Variants in TRPC6 observed in about 807,000 individuals in gnomAD.
TRPC6 encodes short transient receptor potential channel 6.
TRPC6 carries 55 observed loss-of-function variants against 90.7 expected under a neutral mutation model. That is an observed-to-expected ratio of 0.61 (90% CI 0.49 to 0.76). TRPC6 has a LOEUF of 0.76. Ranked by LOEUF, TRPC6 falls within the 30% of genes least tolerant of loss-of-function variation. The pLI is 0.00. For missense variants in TRPC6, 989 were observed against 1,122.7 expected (o/e 0.88, Z 1.70); for synonymous variants, 393 against 393.0 (o/e 1.00, Z 0.00).
rs200772226 is a variant in TRPC6 at position 101,471,293 on chromosome 11, C to T, written c.2299G>A (p.Val767Met). ...TAAAACAGGGACTTTGGACTCGGCACCAGATTGAAGGGTACAGGAAGTGTT... is the reference window on the plus strand; with the variant it reads ...TAAAACAGGGACTTTGGACTCGGCATCAGATTGAAGGGTACAGGAAGTGTT... ...GRTLPVPFNL[V>M]PSPKSLFYLL... The change falls in exon 9 of 13, where the codon GTG becomes ATG. Residue 767 changes from valine (V) to methionine (M), a missense_variant. Around this residue, in one of 4 missense-constraint regions of TRPC6, gnomAD observed 191 missense variants for 196.7 expected, o/e 0.97. Coordinates refer to ENST00000344327, the MANE Select transcript of TRPC6 (RefSeq NM_004621.6). 2.9e-5 allele frequency: 46 copies of T among 1,613,822 alleles called. 1 individual carries two copies. In the African/African-American group the frequency reaches 5.7e-4, roughly 20 times the overall value.
chr11:101,563,884 C>T (rs1365901155), intron 1 of TRPC6, among the ~76,000 whole-genome samples: 2 of 152,098 alleles, frequency 1.3e-5, no homozygotes, highest in Non-Finnish European at 2.9e-5. Context: ...CTTCTTTGTT[C>T]CATTTTCTAC....
At chr11:101,506,226 T>A in intron 1 of TRPC6, among the ~76,000 whole-genome samples, 1 of 152,008 alleles carries the variant, frequency 6.6e-6, no homozygotes, top group Admixed American at 6.6e-5. Flanking sequence ...AGGGCCAGGT[T>A]ATAGGGGAGG....
At chr11:101,577,731 C>A (rs548970613) in intron 1 of TRPC6, among the ~76,000 whole-genome samples, 2 of 152,232 alleles carry the variant, frequency 1.3e-5, no homozygotes, top group African/African-American at 4.8e-5. Flanking sequence ...GCTGGAAGAG[C>A]AGTTATAGCC....
At chr11:101,524,367 G>C (rs535294453) in intron 1 of TRPC6, among the ~76,000 whole-genome samples, 1 of 152,252 alleles carries the variant, frequency 6.6e-6, no homozygotes, top group South Asian at 2.1e-4. Context: ...TACTGCCTCA[G>C]CCTCCCGAGT....
intron 1 of TRPC6, among the ~76,000 whole-genome samples, chr11:101,511,189 A>G (rs1449705362): frequency 1.3e-5 from 2 of 152,208 alleles, no homozygotes; most frequent in Non-Finnish European, 2.9e-5. Context: ...CTTTAGGGAG[A>G]TGAATGAAAG....
intron 3 of TRPC6, among the ~76,000 whole-genome samples, chr11:101,489,492 C>T (rs1859754725): frequency 6.6e-6 from 1 of 152,068 alleles, no homozygotes; most frequent in Non-Finnish European, 1.5e-5. Flanking sequence ...ACCTTTCCTG[C>T]ATTGATCTAA....
At chr11:101,501,351 T>G (rs1402144589) in intron 2 of TRPC6, among the ~76,000 whole-genome samples, 1 of 152,162 alleles carries the variant, frequency 6.6e-6, no homozygotes, top group East Asian at 1.9e-4. Context: ...TAGGAATGAT[T>G]TTTTAAACTT....
At chr11:101,489,970 C>T (rs1166396215) in intron 3 of TRPC6, among the ~76,000 whole-genome samples, 1 of 151,938 alleles carries the variant, frequency 6.6e-6, no homozygotes, top group African/African-American at 2.4e-5. Context: ...AGAAATAAGC[C>T]CTGTCACACA....
At chr11:101,453,142 A>G (rs202112361) in intron 12 of TRPC6, 36 bp from the exon 13 acceptor site, 187 of 1,604,842 alleles carry the variant, frequency 1.2e-4, no homozygotes, top group Non-Finnish European at 1.3e-4. Flanking sequence ...TCAACTATAA[A>G]TACGCAATGC....
At chr11:101,514,894 G>A (rs1860481452) in intron 1 of TRPC6, among the ~76,000 whole-genome samples, 1 of 152,162 alleles carries the variant, frequency 6.6e-6, no homozygotes, top group Non-Finnish European at 1.5e-5. Flanking sequence ...AAAACTTTGG[G>A]GGAACCTTGC....
rs1860195591 is a variant in TRPC6, at chr11:101,504,084, C to G, written c.885G>C (p.Met295Ile). 6.2e-7 allele frequency: 1 copy of G among 1,613,932 alleles called. No homozygotes were observed. The highest frequency in any genetic ancestry group is 8.5e-7 in the Non-Finnish European group (1 of 1,179,972). Residue 295 changes from methionine (M) to isoleucine (I), a missense_variant, in exon 2 of 13, where the codon ATG (methionine) becomes ATC (isoleucine). By Grantham distance (10) the Met-to-Ile change is conservative. Transcript: ENST00000344327. Reference sequence around the variant, plus strand: ...GTTCATTGCTAAGTTCTAAAGCCGTCATGACTGGATCTTCACTAGACAATG... The same window carrying G: ...GTTCATTGCTAAGTTCTAAAGCCGTGATGACTGGATCTTCACTAGACAATG... ...YLSLSSEDPV[M>I]TALELSNELA...
chr11:101,479,600 C>T (rs996015984), intron 5 of TRPC6, among the ~76,000 whole-genome samples: 3 of 152,182 alleles, frequency 2.0e-5, no homozygotes, highest in African/African-American at 7.2e-5. Flanking sequence ...TTAACATTTC[C>T]AGAAAGTACA....
intron 1 of TRPC6, among the ~76,000 whole-genome samples, chr11:101,536,336 G>A (rs1001954138): frequency 2.6e-5 from 4 of 151,348 alleles, no homozygotes; most frequent in Non-Finnish European, 5.9e-5. Flanking sequence ...GCAGTGAGCC[G>A]AGATCACACC....
intron 1 of TRPC6, among the ~76,000 whole-genome samples, chr11:101,562,198 G>C (rs1830453177): frequency 6.6e-6 from 1 of 152,060 alleles, no homozygotes; most frequent in African/African-American, 2.4e-5. Context: ...AAATGGAAGA[G>C]AAAGAGACAT....
chr11:101,469,644 T>G (rs1013311996), intron 9 of TRPC6, 143 bp from the exon 10 acceptor site: 11 of 582,382 alleles, frequency 1.9e-5, no homozygotes, highest in Non-Finnish European at 3.4e-5. Flanking sequence ...CCTTTGCAAG[T>G]GCTTGCTTAG....
At chr11:101,550,253 C>T (rs1324638575) in intron 1 of TRPC6, among the ~76,000 whole-genome samples, 2 of 151,448 alleles carry the variant, frequency 1.3e-5, no homozygotes, top group African/African-American at 4.8e-5. Context: ...AGAATTTTAT[C>T]TGCCTTTTAT....
intron 1 of TRPC6, among the ~76,000 whole-genome samples, chr11:101,559,644 T>A (rs532827627): frequency 6.6e-5 from 10 of 152,144 alleles, no homozygotes; most frequent in South Asian, 4.1e-4. Flanking sequence ...TCTTTTTTTT[T>A]TTATTATACT....
rs139615555 is a variant in TRPC6, at chr11:101,528,231, G to C, written c.171-23433C>G. Among the ~76,000 whole-genome samples the C allele has an allele frequency of 1.9e-3, 290 of 152,196 alleles. 2 individuals are homozygous for C. The highest frequency in any genetic ancestry group is 6.8e-3 in the African/African-American group (283 of 41,504). ...TAGGAAAGGTAAAAGTCAGATTAGTGGAGTATTATCTAATCATTAGAACTT... is the reference window on the plus strand; with the variant it reads ...TAGGAAAGGTAAAAGTCAGATTAGTCGAGTATTATCTAATCATTAGAACTT... On this transcript the variant is annotated intron_variant, in intron 1 of 12. Transcript: ENST00000344327.
intron 1 of TRPC6, among the ~76,000 whole-genome samples, chr11:101,546,616 T>A (rs1212183896): frequency 6.6e-6 from 1 of 152,208 alleles, no homozygotes; most frequent in East Asian, 1.9e-4. Flanking sequence ...AAGGTGGGAA[T>A]TGTAATACTT....
Sources: gnomAD v4.1 joint callset for allele counts (sites outside exome capture counted in the v4.1 genomes callset) on GRCh38, gnomAD v4.1.1 for gene constraint, gnomAD v4.1.1 regional missense constraint, MANE v1.5 for transcripts, NCBI Gene and HGNC (gene_info 2026-07-23, HGNC 2026-07-21) for gene names.